Variants in PCDHGB2 observed in about 807,000 individuals in gnomAD.
PCDHGB2 encodes protocadherin gamma-B2.
PCDHGB2 carries 55 observed loss-of-function variants against 59.3 expected under a neutral mutation model. The ratio of observed to expected loss-of-function variants is 0.93; its 90% CI spans 0.75 to 1.16. The LOEUF is 1.16. PCDHGB2 is among the 50% of genes most tolerant of loss of function. The probability of loss-of-function intolerance (pLI) is 0.00; values close to 1 mark genes in which losing one functional copy is unlikely to be tolerated. For synonymous variants in PCDHGB2, 516 were observed against 512.0 expected, an observed-to-expected ratio of 1.01 and a Z score of -0.11; for missense variants, 1,228 against 1,198.5, an observed-to-expected ratio of 1.02 and a Z score of -0.36.
intron 1 of PCDHGB2, among the ~76,000 whole-genome samples, chr5:141,425,459 C>A (rs2096876834): frequency 6.6e-6 from 1 of 152,200 alleles, no homozygotes; most frequent in African/African-American, 2.4e-5. Flanking sequence ...CATCACATTT[C>A]ATGTTATTAA....
intron 1 of PCDHGB2, chr5:141,427,807 A>C (rs1443881781): frequency 6.6e-7 from 1 of 1,522,050 alleles, no homozygotes; most frequent in South Asian, 1.1e-5. Flanking sequence ...GTGAGCGCAC[A>C]GAGCGGGGTG....
At chr5:141,381,556 T>G (rs1777268817) in intron 1 of PCDHGB2, among the ~76,000 whole-genome samples, 1 of 152,200 alleles carries the variant, frequency 6.6e-6, no homozygotes, top group Admixed American at 6.5e-5. Context: ...TGAATTGAAT[T>G]GCATAATGAA....
chr5:141,444,008 A>G (rs2098413646), intron 1 of PCDHGB2, among the ~76,000 whole-genome samples: 2 of 152,140 alleles, frequency 1.3e-5, no homozygotes, highest in Non-Finnish European at 2.9e-5. Context: ...CTACCTGGGT[A>G]TTGGCTTCTA....
In PCDHGB2 at chr5:141,491,491, G is replaced by C. The variant is rs2099717103; in HGVS notation, c.2422-3316G>C. The C allele has an allele frequency of 1.2e-6, 2 of 1,614,042 alleles. No homozygotes were observed. The highest frequency in any genetic ancestry group is 1.7e-5 in the Admixed American group (1 of 60,016). The stretch of plus-strand genomic sequence containing the variant: ...TAAGCAGTCCAGCCCCAACCTGCAG[G>C]TGAGCTCGGACGGCACGCTCAAGTA... On this transcript the variant is annotated intron_variant, in intron 1 of 3. Transcript: ENST00000522605. The surrounding 1 kb of genome is among the most constrained non-coding windows in gnomAD (Gnocchi z 6.9).
intron 1 of PCDHGB2, chr5:141,370,262 T>G (rs1766779263): frequency 2.7e-6 from 2 of 752,044 alleles, no homozygotes; most frequent in Non-Finnish European, 4.2e-6. Flanking sequence ...TCAGGCTTCC[T>G]GCAGCGGAGA....
chr5:141,393,984 C>T (rs1176875822), intron 1 of PCDHGB2: 1 of 1,613,570 alleles, frequency 6.2e-7, no homozygotes, highest in Non-Finnish European at 8.5e-7. Flanking sequence ...TGATAATTTA[C>T]CTTTTAAATT....
chr5:141,384,818 A>G, intron 1 of PCDHGB2: 1 of 1,613,488 alleles, frequency 6.2e-7, no homozygotes, highest in East Asian at 2.2e-5. Context: ...GCCCTCAAGC[A>G]GAGCCTCGTG....
rs371232283 is a variant in PCDHGB2, at chr5:141,390,337, C to T, written c.2421+27781C>T. ...CATTGCCTACCCATTTCTCCATATT[C>T]ACAAGAAAATATACATATTTGCAGG... On this transcript the variant is annotated intron_variant, in intron 1 of 3. Coordinates refer to ENST00000522605, the MANE Select transcript of PCDHGB2 (RefSeq NM_018923.3). 9.4e-6 allele frequency: 15 copies of T among 1,595,800 alleles called. No homozygotes were observed. In the African/African-American group the frequency reaches 1.5e-4, roughly 16 times the overall value.
At chr5:141,420,634 G>A (rs891111955) in intron 1 of PCDHGB2, among the ~76,000 whole-genome samples, 2 of 152,080 alleles carry the variant, frequency 1.3e-5, no homozygotes, top group African/African-American at 4.8e-5. Context: ...CTCAATAAAG[G>A]AACCTTGTAA....
At chr5:141,410,662 C>T (rs770245568) in intron 1 of PCDHGB2, 1 of 1,572,090 alleles carries the variant, frequency 6.4e-7, no homozygotes, top group Admixed American at 1.9e-5. Context: ...TAATAGTCTA[C>T]TAGTTTCTCA....
At position 141,455,318 on chromosome 5, in the gene PCDHGB2, G is replaced by A. The variant is rs534507768; in HGVS notation, c.2422-39489G>A. On this transcript the variant is annotated intron_variant, in intron 1 of 3. Transcript: ENST00000522605. ...TTTCATCTTGCATTAGCAATTTTGT[G>A]TGTGTGTTTGTGGTTTTAAGGAGCG... is the stretch of plus-strand genomic sequence containing the variant. Among the ~76,000 whole-genome samples the A allele has an allele frequency of 2.4e-4, 37 of 152,186 alleles. No individual in the cohort carries two copies. The South Asian group carries it at 5.6e-3, about 23-fold the overall frequency.
intron 1 of PCDHGB2, chr5:141,414,141 A>T (rs1162904324): frequency 1.3e-6 from 2 of 1,597,216 alleles, no homozygotes; most frequent in East Asian, 2.3e-5. Context: ...ATGAAATAGA[A>T]ATACAAGCAG....
chr5:141,420,079 C>A, intron 1 of PCDHGB2: 1 of 1,613,998 alleles, frequency 6.2e-7, no homozygotes, highest in Non-Finnish European at 8.5e-7. Flanking sequence ...CTGTGGGTCC[C>A]CCCAACTACA....
intron 2 of PCDHGB2, among the ~76,000 whole-genome samples, chr5:141,504,238 G>A (rs1043662594): frequency 2.0e-5 from 3 of 152,228 alleles, no homozygotes; most frequent in African/African-American, 7.2e-5. Flanking sequence ...CTAAGAAGCA[G>A]AGAGTTCTTC....
intron 1 of PCDHGB2, among the ~76,000 whole-genome samples, chr5:141,425,922 A>G (rs1485934946): frequency 6.6e-6 from 1 of 152,240 alleles, no homozygotes; most frequent in Non-Finnish European, 1.5e-5. Context: ...TCACTACGAA[A>G]ACTCATAAAA....
chr5:141,455,737 A>T (rs1290390106), intron 1 of PCDHGB2, among the ~76,000 whole-genome samples: 1 of 152,162 alleles, frequency 6.6e-6, no homozygotes, highest in Non-Finnish European at 1.5e-5. Context: ...TTTGCATATC[A>T]AAGGTTGCTG....
At chr5:141,420,494 C>T (rs978136090) in intron 1 of PCDHGB2, 6 of 499,392 alleles carry the variant, frequency 1.2e-5, no homozygotes, top group African/African-American at 2.0e-5. Flanking sequence ...GGGTAATCTC[C>T]GGTGACATTT....
intron 1 of PCDHGB2, chr5:141,408,661 G>T (rs1462103250): frequency 1.2e-6 from 2 of 1,613,888 alleles, no homozygotes; most frequent in Middle Eastern, 3.3e-4. Context: ...CACGACTATC[G>T]CTTGACCCTG....
At chr5:141,422,789 T>A (rs776409955) in intron 1 of PCDHGB2, 16 of 1,614,158 alleles carry the variant, frequency 9.9e-6, no homozygotes, top group Non-Finnish European at 1.4e-5. Context: ...CTACAATCCT[T>A]CGACTATGAG....
Sources: allele counts gnomAD v4.1 joint callset (sites outside exome capture counted in the v4.1 genomes callset), GRCh38; gene constraint gnomAD v4.1.1; non-coding constraint Gnocchi (gnomAD v3.1); transcripts MANE v1.5; gene names NCBI Gene and HGNC (gene_info 2026-07-23, HGNC 2026-07-21).